The following GNG4 variants were observed in gnomAD, a reference collection of about 807,000 sequenced individuals.
GNG4 encodes G protein subunit gamma 4.
Under a neutral mutation model 5.8 loss-of-function variants are expected in GNG4, and 4 were observed. The ratio of observed to expected loss-of-function variants is 0.69; its 90% confidence interval spans 0.34 to 1.57. The LOEUF (loss-of-function observed/expected upper bound fraction) is 1.57. Ranked by LOEUF, GNG4 falls within the 40% of genes most tolerant of loss-of-function variation. GNG4 has a pLI of 0.06. For missense variants in GNG4, 96 were observed against 95.1 expected (o/e 1.01, Z -0.04); for synonymous variants, 29 against 32.9 (o/e 0.88, Z 0.41).
chr1:235,569,929 A>G (rs1001606966), intron 3 of GNG4, among the ~76,000 whole-genome samples: 5 of 151,838 alleles, frequency 3.3e-5, no homozygotes, highest in African/African-American at 1.2e-4. Context: ...GCTTTTTGCT[A>G]TTGACTTATT....
intron 1 of GNG4, among the ~76,000 whole-genome samples, chr1:235,604,161 C>T (rs1571908917): frequency 6.6e-6 from 1 of 152,334 alleles, no homozygotes; most frequent in South Asian, 2.1e-4. Flanking sequence ...TCAAGTTACT[C>T]AAACTGGACC....
At chr1:235,592,211 A>G (rs1054824916) in intron 2 of GNG4, among the ~76,000 whole-genome samples, 12 of 152,140 alleles carry the variant, frequency 7.9e-5, no homozygotes, top group African/African-American at 2.7e-4. Flanking sequence ...TTTTGGTTCT[A>G]AATTTCTTCC....
At chr1:235,559,534 T>C (rs1572611059) in intron 3 of GNG4, among the ~76,000 whole-genome samples, 1 of 152,292 alleles carries the variant, frequency 6.6e-6, no homozygotes, top group East Asian at 1.9e-4. Flanking sequence ...TCCCAGTAAC[T>C]ACTTCGTACT....
chr1:235,605,804 C>A (rs578227331), intron 1 of GNG4, among the ~76,000 whole-genome samples: 1 of 152,090 alleles, frequency 6.6e-6, no homozygotes, highest in South Asian at 2.1e-4. Context: ...TCCTGAAGCC[C>A]AGGAGGTCAG....
chr1:235,576,149 G>A (rs1314877432), intron 3 of GNG4, among the ~76,000 whole-genome samples: 1 of 147,618 alleles, frequency 6.8e-6, no homozygotes, highest in South Asian at 2.1e-4. Context: ...AAACCTCCGC[G>A]TCCCGGATTC....
At chr1:235,603,250 GATA>G (rs1409897553) in intron 1 of GNG4, among the ~76,000 whole-genome samples, 1 of 129,426 alleles carries the variant, frequency 7.7e-6, no homozygotes, top group African/African-American at 3.0e-5. Context: ...TCTCAATAAT[GATA>G]ATAATAATTA....
At chr1:235,583,428 G>T (rs1320744213) in intron 3 of GNG4, among the ~76,000 whole-genome samples, 1 of 152,218 alleles carries the variant, frequency 6.6e-6, no homozygotes, top group Non-Finnish European at 1.5e-5. Flanking sequence ...AAAAGTGATT[G>T]ATCTCATTGC....
At chr1:235,594,533 G>A (rs912686758) in intron 2 of GNG4, among the ~76,000 whole-genome samples, 1 of 152,214 alleles carries the variant, frequency 6.6e-6, no homozygotes, top group Non-Finnish European at 1.5e-5. Flanking sequence ...ATGGTGGTGG[G>A]GAGGCTCAGG....
At chr1:235,603,330 C>T (rs1202751017) in intron 1 of GNG4, among the ~76,000 whole-genome samples, 3 of 152,086 alleles carry the variant, frequency 2.0e-5, no homozygotes, top group East Asian at 1.9e-4. Flanking sequence ...ATGTCATAAT[C>T]GCTGTGGCAG....
chr1:235,593,912 A>G (rs191848663), intron 2 of GNG4, among the ~76,000 whole-genome samples: 6 of 152,302 alleles, frequency 3.9e-5, no homozygotes, highest in African/African-American at 1.2e-4. Flanking sequence ...AAGCCTGCAC[A>G]GCGTGCATGG....
At chr1:235,626,958 C>CAAAAAAAAAAAAAAAAAAAAAAAAAA (rs776506587) in intron 1 of GNG4, among the ~76,000 whole-genome samples, 2 of 77,396 alleles carry the variant, frequency 2.6e-5, no homozygotes, top group Non-Finnish European at 2.5e-5. Flanking sequence ...GACTCTATCT[C>CAAAAAAAAAAAAAAAAAAAAAAAAAA]AAAAAAAAAA....
At chr1:235,579,651 G>A (rs1181189562) in intron 3 of GNG4, among the ~76,000 whole-genome samples, 1 of 151,892 alleles carries the variant, frequency 6.6e-6, no homozygotes, top group African/African-American at 2.4e-5. Flanking sequence ...AGGAGTTCGA[G>A]ACCAGCCTGG....
In GNG4 at chr1:235,548,413, A is replaced by C. The variant is rs1686640082; in HGVS notation, c.*3696T>G. On this transcript the variant is annotated 3_prime_UTR_variant, in exon 4 of 4. Transcript: ENST00000391854. ...GCTGCCATCCCTGGACATTGCTACC[A>C]GTGGACACACCATCCCTGCAGCCTG... The C allele has an allele frequency of 6.6e-6, 1 of 152,350 alleles. No homozygotes were observed. Among genetic ancestry groups the C allele is most frequent in the South Asian group, 2.1e-4 (1 of 4,828 alleles). 9.4% of individuals were successfully genotyped at this position (152,350 alleles called of 1,614,324 possible).
chr1:235,578,396 C>T (rs1687537476), intron 3 of GNG4, among the ~76,000 whole-genome samples: 1 of 152,114 alleles, frequency 6.6e-6, no homozygotes, highest in Non-Finnish European at 1.5e-5. Context: ...ATAGAACTAC[C>T]ATAGGATCCA....
chr1:235,597,588 C>CTCTGTGTGTGTGTG (rs1553369027), intron 1 of GNG4, among the ~76,000 whole-genome samples: 3 of 74,268 alleles, frequency 4.0e-5, no homozygotes, highest in Admixed American at 3.0e-4. Context: ...AACTTGTTTG[C>CTCTGTGTGTGTGTG]TGTGTGTGTG....
At chr1:235,560,897 T>G (rs2102916946) in intron 3 of GNG4, among the ~76,000 whole-genome samples, 1 of 152,346 alleles carries the variant, frequency 6.6e-6, no homozygotes, top group Non-Finnish European at 1.5e-5. Flanking sequence ...TGTGTAGTGG[T>G]ATCTTATTGT....
chr1:235,636,517 C>A lies in GNG4; in HGVS notation c.-123+13145G>T, dbSNP rs12129459. 1.5e-3 allele frequency among the ~76,000 whole-genome samples: 231 copies of A among 151,468 alleles called. 1 individual carries two copies. The highest frequency in any genetic ancestry group is 5.4e-3 in the African/African-American group (224 of 41,364). On this transcript the variant is annotated intron_variant, in intron 1 of 3. Transcript: ENST00000391854. ...GGGGAGCAGTGCCTGCAGCAAGCCA[C>A]GGCCACGCAGAGGCACGGTGCCCAC...
chr1:235,609,644 G>A (rs1688436226), intron 1 of GNG4, among the ~76,000 whole-genome samples: 1 of 152,172 alleles, frequency 6.6e-6, no homozygotes, highest in Non-Finnish European at 1.5e-5. Flanking sequence ...CGGGCGCAGT[G>A]GCTCACACCT....
At chr1:235,624,952 G>A (rs1028979842) in intron 1 of GNG4, among the ~76,000 whole-genome samples, 3 of 152,148 alleles carry the variant, frequency 2.0e-5, no homozygotes, top group Non-Finnish European at 2.9e-5. Flanking sequence ...GTGGGGAACC[G>A]CTGACCTCAA....
Sources: allele counts gnomAD v4.1 joint callset (sites outside exome capture counted in the v4.1 genomes callset), GRCh38; gene constraint gnomAD v4.1.1; transcripts MANE v1.5; gene names NCBI Gene and HGNC (gene_info 2026-07-23, HGNC 2026-07-21).